Variants in IPP observed in about 807,000 individuals in gnomAD.
IPP encodes intracisternal A particle-promoted polypeptide, also known as actin-binding protein IPP.
IPP carries 41 observed loss-of-function variants against 64.1 expected under a neutral mutation model. That is an observed-to-expected ratio of 0.64 (90% CI 0.50 to 0.83). The LOEUF (loss-of-function observed/expected upper bound fraction) is 0.83. Ranked by LOEUF, IPP falls within the 40% of genes least tolerant of loss-of-function variation. The pLI, the probability that IPP is intolerant of heterozygous loss-of-function variation, is 0.00. For missense variants in IPP, 649 were observed against 703.0 expected (o/e 0.92, Z 0.87); for synonymous variants, 214 against 235.2 (o/e 0.91, Z 0.83).
chr1:45,742,960 C>T (rs1646086183), intron 2 of IPP, among the ~76,000 whole-genome samples: 1 of 148,846 alleles, frequency 6.7e-6, no homozygotes, highest in African/African-American at 2.4e-5. Context: ...TTTTTCGAGA[C>T]AGAGTCTCAC....
rs763987268 is a variant in IPP, at chr1:45,727,780, T to A, written c.899A>T (p.Gln300Leu). The A allele has an allele frequency of 1.3e-6, 2 of 1,557,328 alleles. No individual in the cohort carries two copies. Among genetic ancestry groups the A allele is most frequent in the South Asian group, 1.2e-5 (1 of 82,818 alleles). ...TCTGCTATCACTCCAGCGACCCCCC[T>A]GCAACCGAGTATATCCACCTAAACA... ...LYAVGGYTRL[Q>L]GGRWSDSRAL... Residue 300 changes from glutamine (Q) to leucine (L), a missense_variant, in exon 5 of 9, where the codon CAG (glutamine) becomes CTG (leucine). By Grantham distance (113) the Gln-to-Leu change is moderately radical. Coordinates refer to ENST00000396478, the MANE Select transcript of IPP (RefSeq NM_005897.3).
At chr1:45,707,426 A>G (rs1346583708) in intron 8 of IPP, among the ~76,000 whole-genome samples, 1 of 150,666 alleles carries the variant, frequency 6.6e-6, no homozygotes, top group East Asian at 1.9e-4. Flanking sequence ...CCATATCAAA[A>G]AAAAAAAAAA....
chr1:45,749,332 T>C (rs1424018188), intron 1 of IPP, among the ~76,000 whole-genome samples: 1 of 152,226 alleles, frequency 6.6e-6, no homozygotes, highest in Middle Eastern at 3.4e-3. Context: ...AAAGGTGGCA[T>C]GTGGAGTGAC....
chr1:45,696,690 G>A (rs1052896176), downstream of IPP: 4 of 152,274 alleles, frequency 2.6e-5, no homozygotes, highest in Admixed American at 6.5e-5. Flanking sequence ...TGAGGCGGGA[G>A]AATCGCTTGA....
At chr1:45,729,819 T>A (rs1456825780) in intron 3 of IPP, 50 bp from the exon 4 acceptor site, 2 of 1,078,902 alleles carry the variant, frequency 1.9e-6, no homozygotes, top group African/African-American at 1.6e-5. Flanking sequence ...TTAAATAATA[T>A]TGAAAAAACA....
At chr1:45,720,302 C>A (rs1252557865) in intron 5 of IPP, among the ~76,000 whole-genome samples, 2 of 151,952 alleles carry the variant, frequency 1.3e-5, no homozygotes, top group Non-Finnish European at 2.9e-5. Flanking sequence ...TGCAATGCCC[C>A]TATGGATAAC....
chr1:45,709,176 G>C (rs1488868435), intron 8 of IPP, among the ~76,000 whole-genome samples: 2 of 150,918 alleles, frequency 1.3e-5, no homozygotes, highest in Non-Finnish European at 3.0e-5. Flanking sequence ...GCTCACACTT[G>C]TAATCCCAGC....
intron 2 of IPP, among the ~76,000 whole-genome samples, chr1:45,744,488 C>T (rs1464564060): frequency 1.3e-5 from 2 of 152,130 alleles, no homozygotes; most frequent in Non-Finnish European, 2.9e-5. Context: ...GATCCTCCCA[C>T]ATCAGCCTCC....
chr1:45,711,779 A>G (rs908417837), intron 8 of IPP, among the ~76,000 whole-genome samples: 3 of 151,956 alleles, frequency 2.0e-5, no homozygotes, highest in Non-Finnish European at 4.4e-5. Flanking sequence ...AGTAGACTTC[A>G]GTATAAAGAA....
chr1:45,738,839 CAAAAAAAAAAAAAAAAA>C (rs752168393), intron 3 of IPP, among the ~76,000 whole-genome samples: 2 of 7,696 alleles, frequency 2.6e-4, no homozygotes, highest in Non-Finnish European at 7.5e-4. Flanking sequence ...GACTCCATCT[CAAAAAAAAAAAAAAAAA>C]AAAAAAAAAC....
chr1:45,698,715 T>C lies in IPP; in HGVS notation c.*1251A>G, dbSNP rs938765573. 5.8e-6 allele frequency: 4 copies of C among 686,116 alleles called. No homozygotes were observed. The highest frequency in any genetic ancestry group is 6.6e-6 in the Non-Finnish European group (4 of 608,022). 42.5% of individuals were successfully genotyped at this position (686,116 alleles called of 1,614,324 possible). On this transcript the variant is annotated 3_prime_UTR_variant, in exon 9 of 9. Coordinates refer to ENST00000396478, the MANE Select transcript of IPP (RefSeq NM_005897.3). ...CTAGCAAAAAAGGAAGAATTTTTTT[T>C]TCTTTTTTTTTTTTTTTTTTTGAGA...
At chr1:45,714,497 A>T (rs1270906578) in intron 7 of IPP, 31 bp from the exon 8 acceptor site, 1 of 1,227,150 alleles carries the variant, frequency 8.1e-7, no homozygotes, top group African/African-American at 1.5e-5. Flanking sequence ...CTCAGATGCT[A>T]CAGATAGTGA....
chr1:45,734,795 C>G (rs1192354221), intron 3 of IPP, among the ~76,000 whole-genome samples: 2 of 150,288 alleles, frequency 1.3e-5, no homozygotes, highest in East Asian at 3.9e-4. Flanking sequence ...ATTTTTTTTT[C>G]TTTGAGACAG....
intron 1 of IPP, 116 bp from the exon 2 acceptor site, chr1:45,746,577 G>A: frequency 1.8e-6 from 1 of 562,404 alleles, no homozygotes; most frequent in African/African-American, 1.9e-5. Flanking sequence ...AAACAAATAA[G>A]GACTAAAGTG....
intron 8 of IPP, among the ~76,000 whole-genome samples, chr1:45,711,702 T>A (rs1645592628): frequency 6.6e-6 from 1 of 150,492 alleles, no homozygotes; most frequent in Non-Finnish European, 1.5e-5. Flanking sequence ...TGCAGTGAGC[T>A]CTGATCATGC....
At chr1:45,746,565 TAAAAC>T in intron 1 of IPP, 104 bp from the exon 2 acceptor site, 4 of 580,024 alleles carry the variant, frequency 6.9e-6, no homozygotes, top group South Asian at 2.3e-5. Context: ...CTTAAGGACA[TAAAAC>T]AAATAAGGAC....
intron 2 of IPP, among the ~76,000 whole-genome samples, chr1:45,744,951 T>G (rs550406436): frequency 6.6e-6 from 1 of 152,116 alleles, no homozygotes; most frequent in Non-Finnish European, 1.5e-5. Flanking sequence ...GTCACAGCTA[T>G]GCAGGGTGGT....
At chr1:45,748,032 C>T (rs1300747210) in intron 1 of IPP, among the ~76,000 whole-genome samples, 1 of 151,906 alleles carries the variant, frequency 6.6e-6, no homozygotes, top group Non-Finnish European at 1.5e-5. Context: ...TTATCAAAGT[C>T]AAAATAACAA....
chr1:45,713,112 T>C (rs1645612150), intron 8 of IPP, among the ~76,000 whole-genome samples: 1 of 152,036 alleles, frequency 6.6e-6, no homozygotes, highest in Non-Finnish European at 1.5e-5. Flanking sequence ...TTTAAGAATC[T>C]AGAAAAAAAG....
Sources: allele counts gnomAD v4.1 joint callset (sites outside exome capture counted in the v4.1 genomes callset), GRCh38; gene constraint gnomAD v4.1.1; transcripts MANE v1.5; gene names NCBI Gene and HGNC (gene_info 2026-07-23, HGNC 2026-07-21).